ANKRD62: variants seen among roughly 807,000 people sequenced by gnomAD.
ANKRD62 encodes the protein ankyrin repeat domain 62.
A neutral mutation model predicts 98.8 loss-of-function variants in ANKRD62; 61 were observed. The ratio of observed to expected loss-of-function variants is 0.62; its 90% CI spans 0.50 to 0.76. The LOEUF (loss-of-function observed/expected upper bound fraction) is 0.76. Among genes scored for constraint, ANKRD62 ranks in the 30% least tolerant of loss-of-function variants. The pLI is 0.00. For synonymous variants in ANKRD62, 341 were observed against 367.9 expected (o/e 0.93, Z 0.84); for missense variants, 933 against 1,082.9 (o/e 0.86, Z 1.94).
the ANKRD62 span, among the ~76,000 whole-genome samples, chr18:12,135,708 T>C: frequency 6.6e-6 from 1 of 152,070 alleles, no homozygotes; most frequent in Admixed American, 6.5e-5. Flanking sequence ...GCACCTGTTG[T>C]TTCCTGACTT....
the ANKRD62 span, among the ~76,000 whole-genome samples, chr18:12,176,454 G>GCACA: frequency 7.5e-6 from 1 of 132,766 alleles, no homozygotes; most frequent in Non-Finnish European, 1.6e-5. Flanking sequence ...ACAAAACAGA[G>GCACA]CACACTCCGT....
chr18:12,126,182 A>G lies in ANKRD62; in HGVS notation c.2361A>G (p.Gln787=). The G allele has an allele frequency of 1.3e-6, 2 of 1,536,148 alleles. No homozygotes were observed. Among genetic ancestry groups the G allele is most frequent in the Admixed American group, 3.9e-5 (2 of 50,998 alleles). Residue 787 remains glutamine (Q), a synonymous_variant, in exon 13 of 14, where the codon CAA becomes CAG. Transcript: ENST00000587848. Reference sequence around the variant, plus strand: ...TACAAAGCCAAAATCTGTTGTATCAACAGCAGTGTAATGATGCTCGCAAGA... The same window carrying G: ...TACAAAGCCAAAATCTGTTGTATCAGCAGCAGTGTAATGATGCTCGCAAGA... The part of the protein sequence containing the change: ...FQLQSQNLLY[Q]QQCNDARKKA...
the ANKRD62 span, among the ~76,000 whole-genome samples, chr18:12,160,422 TG>T: frequency 1.3e-5 from 2 of 152,208 alleles, no homozygotes; most frequent in African/African-American, 4.8e-5. Flanking sequence ...TACCATGTAA[TG>T]TCTTTGATAA....
At position 12,107,208 on chromosome 18, in the gene ANKRD62, CAA is replaced by C. The variant is rs1598732545; in HGVS notation, c.892-86_892-85del. The C allele has an allele frequency of 1.2e-5, 9 of 768,260 alleles. No homozygotes were observed. In the East Asian group the frequency reaches 2.9e-4, roughly 24 times the overall value. 47.6% of individuals were successfully genotyped at this position (768,260 alleles called of 1,614,324 possible). A position where few individuals can be genotyped will look rare whatever the true frequency, so the allele number is the denominator to read the frequency against. ...TCATGACTAATATGACAGACTGAGT[CAA>C]GTGATTAAATGAATGAACACAAAAA... On this transcript the variant is annotated intron_variant, in intron 7 of 13. Transcript: ENST00000587848.
At chr18:12,170,673 C>T in the ANKRD62 span, among the ~76,000 whole-genome samples, 1 of 152,130 alleles carries the variant, frequency 6.6e-6, no homozygotes, top group Admixed American at 6.5e-5. Flanking sequence ...GAGTTCAAGT[C>T]CTGGATATCC....
chr18:12,127,652 T>C, intron 13 of ANKRD62, 96 bp from the exon 14 acceptor site: 2 of 848,660 alleles, frequency 2.4e-6, no homozygotes, highest in East Asian at 3.1e-5. Context: ...TGTGTGGTGG[T>C]ATTTTTCGAA....
In ANKRD62 at chr18:12,096,314, CT is replaced by C. The variant is rs1197247448; in HGVS notation, c.614+19del. 6.2e-6 allele frequency: 9 copies of C among 1,459,262 alleles called. No individual in the cohort carries two copies. Among genetic ancestry groups the C allele is most frequent in the South Asian group, 5.1e-5 (4 of 78,324 alleles). The allele number at this position is 1,459,262 out of a possible 1,614,324, so 90.4% of individuals were successfully genotyped here. ...GATAATTTTGGAAGGTACAGTAGTT[CT>C]TTTTTTGTTCATTTTTAAACCTGAG... On this transcript the variant is annotated intron_variant, in intron 4 of 13. Coordinates refer to ENST00000587848, the MANE Select transcript of ANKRD62 (RefSeq NM_001277333.2).
chr18:12,093,902 G>T lies in ANKRD62; in HGVS notation c.-116G>T. On this transcript the variant is annotated 5_prime_UTR_variant, in exon 1 of 14. Transcript: ENST00000587848. ...GGAGACTGGAGTGTCCCTGACGGAG[G>T]TTGCGGCTGGACCTGGTTACGTGCT... 1.0e-6 allele frequency: 1 copy of T among 953,658 alleles called. No homozygotes were observed. The allele number at this position is 953,658 out of a possible 1,614,324, so 59.1% of individuals were successfully genotyped here.
Position 12,094,155 on chromosome 18 carries a change from C to T in ANKRD62, c.138C>T (p.Ala46=). The change falls in exon 1 of 14, where the codon GCC becomes GCT. Residue 46 remains alanine, a synonymous_variant. Coordinates refer to ENST00000587848, the MANE Select transcript of ANKRD62 (RefSeq NM_001277333.2). ...QKDLGMIHKA[A]IAGDVNKVME... ...ATCTGGGCATGATCCACAAAGCTGC[C>T]ATCGCAGGTGATGTGAACAAGGTGA... The T allele has an allele frequency of 1.3e-6, 2 of 1,533,066 alleles. No homozygotes were observed. Among genetic ancestry groups the T allele is most frequent in the Non-Finnish European group, 8.7e-7 (1 of 1,146,426 alleles). The allele number at this position is 1,533,066 out of a possible 1,614,324, so 95.0% of individuals were successfully genotyped here.
the ANKRD62 span, among the ~76,000 whole-genome samples, chr18:12,151,556 G>C: frequency 6.6e-6 from 1 of 152,060 alleles, no homozygotes; most frequent in Admixed American, 6.5e-5. Flanking sequence ...CTAATGAAAA[G>C]AACTGAAATC....
intron 5 of ANKRD62, among the ~76,000 whole-genome samples, chr18:12,099,216 T>C (rs1909247172): frequency 6.6e-6 from 1 of 152,210 alleles, no homozygotes; most frequent in Admixed American, 6.5e-5. Context: ...TTCCATTGCT[T>C]TACTATTTCT....
In ANKRD62 at chr18:12,122,570, T is replaced by C; in HGVS notation, c.1454+54T>C. 3 of 1,398,156 alleles carry C rather than the reference T, an allele frequency of 2.1e-6. No individual in the cohort carries two copies. The East Asian group carries it at 7.5e-5, about 35-fold the overall frequency. 86.6% of individuals were successfully genotyped at this position (1,398,156 alleles called of 1,614,324 possible). A position where few individuals can be genotyped will look rare whatever the true frequency, so the allele number is the denominator to read the frequency against. The stretch of plus-strand genomic sequence containing the variant: ...TTCAACTATTTATACTAAGGATATG[T>C]AGGATAATTTTTGTAATAGCTGACT... On this transcript the variant is annotated intron_variant, in intron 11 of 13. Transcript: ENST00000587848.
At chr18:12,173,089 A>T in the ANKRD62 span, among the ~76,000 whole-genome samples, 2 of 151,706 alleles carry the variant, frequency 1.3e-5, no homozygotes, top group Non-Finnish European at 3.0e-5. Flanking sequence ...GCTTTGGTTC[A>T]TGCTCCATGG....
the ANKRD62 span, among the ~76,000 whole-genome samples, chr18:12,159,981 A>G: frequency 2.0e-5 from 3 of 152,128 alleles, no homozygotes; most frequent in Non-Finnish European, 4.4e-5. Context: ...TATAGGTACA[A>G]TATTTATTAC....
At chr18:12,173,871 T>G in the ANKRD62 span, among the ~76,000 whole-genome samples, 1 of 152,252 alleles carries the variant, frequency 6.6e-6, no homozygotes, top group African/African-American at 2.4e-5. Flanking sequence ...ATTAGTCTGA[T>G]GGATTTCCCT....
At position 12,094,022 on chromosome 18, in the gene ANKRD62, A is replaced by T; in HGVS notation, c.5A>T (p.Glu2Val). 1.3e-6 allele frequency: 2 copies of T among 1,534,906 alleles called. No homozygotes were observed. The highest frequency in any genetic ancestry group is 1.7e-4 in the Middle Eastern group (1 of 5,726). The change falls in exon 1 of 14, where the codon GAG becomes GTG. Residue 2 changes from glutamate to valine, a missense_variant. Glu to Val is a moderately radical substitution (Grantham distance 121). Transcript: ENST00000587848. ...GAGAAGATCTCTGGCTTCAGGATGG[A>T]GGTCAGGGGGTCGTTCCTGGCGGCC... The part of the protein sequence containing the change: M[E>V]VRGSFLAACR...
chr18:12,168,753 C>T, the ANKRD62 span, among the ~76,000 whole-genome samples: 28 of 152,332 alleles, frequency 1.8e-4, no homozygotes, highest in East Asian at 5.2e-3. Context: ...GATATTGATT[C>T]TTCCTAACCA....
chr18:12,156,106 C>T, the ANKRD62 span, among the ~76,000 whole-genome samples: 7 of 151,160 alleles, frequency 4.6e-5, no homozygotes, highest in Non-Finnish European at 8.8e-5. Flanking sequence ...CCCTTTCTCT[C>T]CTTCCCTCCT....
intron 8 of ANKRD62, 148 bp downstream of exon 8, chr18:12,107,615 CA>C: frequency 1.8e-6 from 1 of 564,164 alleles, no homozygotes; most frequent in Non-Finnish European, 2.7e-6. Flanking sequence ...TGCAAATTAA[CA>C]AGCAATGAGA....
Sources: gnomAD v4.1 joint callset for allele counts (sites outside exome capture counted in the v4.1 genomes callset) on GRCh38, gnomAD v4.1.1 for gene constraint, MANE v1.5 for transcripts, NCBI Gene and HGNC (gene_info 2026-07-23, HGNC 2026-07-21) for gene names.